Variants in ARHGAP26 observed in about 807,000 individuals in gnomAD.
ARHGAP26 encodes the protein Rho GTPase activating protein 26, also known as rho GTPase-activating protein 26.
A neutral mutation model predicts 104.8 loss-of-function variants in ARHGAP26; 38 were observed. The ratio of observed to expected loss-of-function variants is 0.36; its 90% CI spans 0.28 to 0.48. ARHGAP26 has a LOEUF of 0.48. Among genes scored for constraint, ARHGAP26 ranks in the 20% least tolerant of loss-of-function variants. The probability of loss-of-function intolerance (pLI) is 0.99; values close to 1 mark genes in which losing one functional copy is unlikely to be tolerated. For synonymous variants in ARHGAP26, 341 were observed against 340.0 expected, an observed-to-expected ratio of 1.00 and a Z score of -0.03; for missense variants, 704 against 947.9, an observed-to-expected ratio of 0.74 and a Z score of 3.38.
intron 1 of ARHGAP26, among the ~76,000 whole-genome samples, chr5:142,806,488 TG>T (rs1561872402): frequency 6.6e-6 from 1 of 151,996 alleles, no homozygotes; most frequent in African/African-American, 2.4e-5. Flanking sequence ...TGTGTGTGTG[TG>T]TGTGTGTGTG....
At chr5:143,023,710 G>A (rs989554624) in intron 12 of ARHGAP26, among the ~76,000 whole-genome samples, 6 of 152,168 alleles carry the variant, frequency 3.9e-5, no homozygotes, top group African/African-American at 1.4e-4. Flanking sequence ...TGAGAAGGGT[G>A]GAAGGCATTA....
At position 143,227,382 on chromosome 5, in the gene ARHGAP26, A is replaced by G. The variant is rs1287357881; in HGVS notation, c.*4936A>G. The stretch of plus-strand genomic sequence containing the variant: ...TACCTCGACAACCCTGCCCCACATC[A>G]CTTTATAAAGTCAGCAGGATGTCTT... On this transcript the variant is annotated 3_prime_UTR_variant, in exon 23 of 23. Transcript: ENST00000645722. 2 of 231,132 alleles carry G rather than the reference A, an allele frequency of 8.7e-6. No individual in the cohort carries two copies. Among genetic ancestry groups the G allele is most frequent in the Non-Finnish European group, 1.7e-5 (2 of 116,868 alleles). 14.3% of individuals were successfully genotyped at this position (231,132 alleles called of 1,614,324 possible). A position where few individuals can be genotyped will look rare whatever the true frequency, so the allele number is the denominator to read the frequency against.
In ARHGAP26 at chr5:143,077,682, C is replaced by T. The variant is rs868250774; in HGVS notation, c.1538+19935C>T. The stretch of plus-strand genomic sequence containing the variant: ...TGCACAGATGACAGGGCGCTGCCAG[C>T]GTCTTTGTGGAAAGTCTCTCTTGAG... On this transcript the variant is annotated intron_variant, in intron 17 of 22. Transcript: ENST00000645722. 3.9e-5 allele frequency among the ~76,000 whole-genome samples: 6 copies of T among 152,338 alleles called. 1 individual carries two copies. In the South Asian group the frequency reaches 8.3e-4, roughly 21 times the overall value.
intron 1 of ARHGAP26, among the ~76,000 whole-genome samples, chr5:142,781,868 T>C (rs1366656561): frequency 4.6e-5 from 7 of 152,092 alleles, no homozygotes; most frequent in South Asian, 4.2e-4. Context: ...CGTGCCACCA[T>C]GCCCGGCTAA....
chr5:143,108,427 C>T (rs150660351), intron 17 of ARHGAP26, among the ~76,000 whole-genome samples: 1 of 152,240 alleles, frequency 6.6e-6, no homozygotes, highest in East Asian at 1.9e-4. Flanking sequence ...TTTCTGGACA[C>T]CATACATTAC....
In ARHGAP26 at chr5:142,770,922, G is replaced by C; in HGVS notation, c.154+7G>C. 6.2e-7 allele frequency: 1 copy of C among 1,602,126 alleles called. No individual in the cohort carries two copies. The highest frequency in any genetic ancestry group is 1.1e-5 in the South Asian group (1 of 90,080). ...CTCATAAGCGCGCTCAAGAGTGAGT[G>C]TCCCGAGCCCCTCGGGGACGCGGCT... is the stretch of plus-strand genomic sequence containing the variant. On this transcript the variant is annotated splice_region_variant and intron_variant, in intron 1 of 22. Coordinates refer to ENST00000645722, the MANE Select transcript of ARHGAP26 (RefSeq NM_001135608.3).
rs551848637 is a variant in ARHGAP26, at chr5:143,226,660, C to G, written c.*4214C>G. On this transcript the variant is annotated 3_prime_UTR_variant, in exon 23 of 23. Coordinates refer to ENST00000645722, the MANE Select transcript of ARHGAP26 (RefSeq NM_001135608.3). ...GTGCATTGTGGCCTGCCTTGGTGTC[C>G]TAGAATTGGAGCCAGTCTTTAGCTT... 4.7e-6 allele frequency: 1 copy of G among 215,046 alleles called. No homozygotes were observed. The highest frequency in any genetic ancestry group is 1.9e-4 in the South Asian group (1 of 5,374). 13.3% of individuals were successfully genotyped at this position (215,046 alleles called of 1,614,324 possible). A position where few individuals can be genotyped will look rare whatever the true frequency, so the allele number is the denominator to read the frequency against.
chr5:142,984,593 A>G (rs930856846), intron 11 of ARHGAP26, among the ~76,000 whole-genome samples: 2 of 152,214 alleles, frequency 1.3e-5, no homozygotes, highest in Admixed American at 6.5e-5. Context: ...CGTAATGCAT[A>G]GAAGTAGATT....
At chr5:143,195,992 A>T (rs1806769509) in intron 20 of ARHGAP26, among the ~76,000 whole-genome samples, 1 of 152,140 alleles carries the variant, frequency 6.6e-6, no homozygotes, top group Non-Finnish European at 1.5e-5. Flanking sequence ...AGCTATTTAA[A>T]AGTTACCTTT....
intron 17 of ARHGAP26, among the ~76,000 whole-genome samples, chr5:143,064,719 C>T (rs971599534): frequency 2.0e-5 from 3 of 152,152 alleles, no homozygotes; most frequent in Non-Finnish European, 2.9e-5. Context: ...CACCGCCAGA[C>T]CTTTGCTTAC....
chr5:142,900,042 CA>C (rs1331459145), intron 6 of ARHGAP26, among the ~76,000 whole-genome samples: 6 of 152,168 alleles, frequency 3.9e-5, no homozygotes, highest in African/African-American at 1.4e-4. Context: ...ATTCTCAAGT[CA>C]GGGGTAGTGT....
intron 17 of ARHGAP26, among the ~76,000 whole-genome samples, chr5:143,100,222 C>T (rs1793012444): frequency 1.3e-5 from 2 of 152,174 alleles, no homozygotes; most frequent in Admixed American, 1.3e-4. Flanking sequence ...GTATCACAGC[C>T]ACTTCTGAAA....
intron 17 of ARHGAP26, among the ~76,000 whole-genome samples, chr5:143,065,142 G>T (rs1317480317): frequency 6.6e-6 from 1 of 152,154 alleles, no homozygotes; most frequent in African/African-American, 2.4e-5. Flanking sequence ...TTATAAAAGT[G>T]AGAGAGTATC....
At chr5:143,006,717 T>C (rs1396444524) in intron 11 of ARHGAP26, among the ~76,000 whole-genome samples, 2 of 152,220 alleles carry the variant, frequency 1.3e-5, no homozygotes, top group Non-Finnish European at 2.9e-5. Flanking sequence ...AACCAATAGC[T>C]GGCTCCCTGG....
At chr5:143,121,176 A>T (rs1416909598) in intron 18 of ARHGAP26, 29 bp downstream of exon 18, 30 of 1,602,384 alleles carry the variant, frequency 1.9e-5, no homozygotes, top group Non-Finnish European at 2.6e-5. Context: ...CTTGCAGTGA[A>T]GAATGTACCT....
chr5:143,191,417 A>C (rs1457605660), intron 20 of ARHGAP26, among the ~76,000 whole-genome samples: 5 of 152,230 alleles, frequency 3.3e-5, no homozygotes, highest in Non-Finnish European at 5.9e-5. Context: ...TATATGCCAC[A>C]CTTTTACAAG....
intron 11 of ARHGAP26, among the ~76,000 whole-genome samples, chr5:142,981,840 C>G (rs1399131261): frequency 6.6e-6 from 1 of 152,212 alleles, no homozygotes; most frequent in African/African-American, 2.4e-5. Context: ...AATTCAGCAC[C>G]CATTCCTTGC....
intron 1 of ARHGAP26, among the ~76,000 whole-genome samples, chr5:142,776,192 C>G (rs79607308): frequency 6.6e-6 from 1 of 152,008 alleles, no homozygotes; most frequent in Non-Finnish European, 1.5e-5. Context: ...AGGCTGGTCT[C>G]GAACTCCTGG....
In ARHGAP26 at chr5:142,873,422, G is replaced by T; in HGVS notation, c.177G>T (p.Lys59Asn). Residue 59 changes from lysine (K) to asparagine (N), a missense_variant, in exon 2 of 23, where the codon AAG (lysine) becomes AAT (asparagine). Coordinates refer to ENST00000645722, the MANE Select transcript of ARHGAP26 (RefSeq NM_001135608.3). Reference protein sequence around the residue: ...ALKNLSSAKRKFADSLNEFKF... With the variant: ...ALKNLSSAKRNFADSLNEFKF... ...TAGATTTGTCTTCAGCGAAGCGGAAGTTTGCAGATTCCTTAAATGAATTTA... is the reference window on the plus strand; with the variant it reads ...TAGATTTGTCTTCAGCGAAGCGGAATTTTGCAGATTCCTTAAATGAATTTA... 1 of 1,596,406 alleles carries T rather than the reference G, an allele frequency of 6.3e-7. No individual in the cohort carries two copies. The highest frequency in any genetic ancestry group is 8.5e-7 in the Non-Finnish European group (1 of 1,175,614).
Sources: gnomAD v4.1 joint callset for allele counts (sites outside exome capture counted in the v4.1 genomes callset) on GRCh38, gnomAD v4.1.1 for gene constraint, MANE v1.5 for transcripts, NCBI Gene and HGNC (gene_info 2026-07-23, HGNC 2026-07-21) for gene names.